DHRSX: variants seen among roughly 807,000 people sequenced by gnomAD.
DHRSX encodes dehydrogenase/reductase X-linked, also known as polyprenol dehydrogenase.
Under a neutral mutation model 34.0 loss-of-function variants are expected in DHRSX, and 31 were observed. The ratio of observed to expected loss-of-function variants is 0.91; its 90% confidence interval spans 0.69 to 1.23. The LOEUF (loss-of-function observed/expected upper bound fraction) is 1.23. DHRSX is among the 50% of genes most tolerant of loss of function. The pLI is 0.00. For missense variants in DHRSX, 414 were observed against 428.1 expected (o/e 0.97, Z 0.29); for synonymous variants, 201 against 183.8 (o/e 1.09, Z -0.76).
intron 3 of DHRSX, among the ~76,000 whole-genome samples, chrX:2,326,392 A>G (rs772583270): frequency 1.3e-5 from 2 of 152,124 alleles, no homozygotes; most frequent in East Asian, 3.9e-4. Context: ...GCGTGGTGGC[A>G]GGCACCTGTA....
chrX:2,346,210 C>T (rs1457286801), intron 3 of DHRSX, among the ~76,000 whole-genome samples: 2 of 150,966 alleles, frequency 1.3e-5, no homozygotes, highest in Non-Finnish European at 2.9e-5. Flanking sequence ...GCATCTCACT[C>T]CATGGCATCT....
chrX:2,426,887 A>G (rs2043857579), intron 1 of DHRSX, among the ~76,000 whole-genome samples: 1 of 150,806 alleles, frequency 6.6e-6, no homozygotes, highest in East Asian at 2.0e-4. Context: ...TCCATCTTCT[A>G]ACCCTTCCCT....
At chrX:2,412,742 A>T (rs952692404) in intron 2 of DHRSX, among the ~76,000 whole-genome samples, 1 of 152,202 alleles carries the variant, frequency 6.6e-6, no homozygotes, top group African/African-American at 2.4e-5. Flanking sequence ...ACCATGGAAT[A>T]CCATTCAGTC....
intron 6 of DHRSX, among the ~76,000 whole-genome samples, chrX:2,224,175 C>T (rs1447655490): frequency 6.6e-6 from 1 of 152,214 alleles, no homozygotes; most frequent in African/African-American, 2.4e-5. Context: ...GCTCATGCCC[C>T]AAATACCCGA....
intron 3 of DHRSX, among the ~76,000 whole-genome samples, chrX:2,294,557 TG>T (rs1272085104): frequency 2.7e-5 from 4 of 150,596 alleles, no homozygotes; most frequent in African/African-American, 9.8e-5. Context: ...CCCAGCTACT[TG>T]GGAGGCTAAG....
chrX:2,386,738 T>G (rs1043540911), intron 3 of DHRSX, among the ~76,000 whole-genome samples: 4 of 152,324 alleles, frequency 2.6e-5, no homozygotes, highest in African/African-American at 9.6e-5. Context: ...GTTTAAATCA[T>G]ATTTTTATTA....
chrX:2,259,096 A>G (rs2041319346), intron 5 of DHRSX, among the ~76,000 whole-genome samples: 1 of 151,944 alleles, frequency 6.6e-6, no homozygotes. Flanking sequence ...AACATGGTGA[A>G]CCCCCGTCTC....
chrX:2,403,463 C>T (rs1407147235), intron 3 of DHRSX, among the ~76,000 whole-genome samples: 1 of 152,094 alleles, frequency 6.6e-6, no homozygotes, highest in Non-Finnish European at 1.5e-5. Flanking sequence ...ATGGTGGGGA[C>T]AAATCATGTA....
intron 1 of DHRSX, chrX:2,487,490 G>C (rs1209111517): frequency 1.3e-5 from 2 of 152,208 alleles, no homozygotes; most frequent in East Asian, 1.9e-4. Flanking sequence ...TCAGCCTCCC[G>C]AGTAGCTGGG....
chrX:2,393,475 C>A (rs1292336848), intron 3 of DHRSX, among the ~76,000 whole-genome samples: 8 of 150,576 alleles, frequency 5.3e-5, no homozygotes, highest in Non-Finnish European at 1.0e-4. Context: ...AGGGACCTCC[C>A]CATCTCCTGC....
intron 3 of DHRSX, among the ~76,000 whole-genome samples, chrX:2,345,851 A>G (rs2042702074): frequency 6.6e-6 from 1 of 152,142 alleles, no homozygotes; most frequent in Admixed American, 6.6e-5. Context: ...CTGGGTCTCC[A>G]GCTGGCTGGT....
At chrX:2,224,604 A>G (rs2015594820) in intron 6 of DHRSX, among the ~76,000 whole-genome samples, 1 of 152,162 alleles carries the variant, frequency 6.6e-6, no homozygotes. Context: ...TCTGTAAGAA[A>G]AACACACGCA....
At chrX:2,232,854 G>C (rs541398749) in intron 6 of DHRSX, among the ~76,000 whole-genome samples, 2 of 152,168 alleles carry the variant, frequency 1.3e-5, no homozygotes, top group South Asian at 4.1e-4. Flanking sequence ...TTACAGGCAT[G>C]AGCCATCGTG....
chrX:2,331,436 G>GTTTTTTTTTTTTTTTTTT lies in DHRSX; in HGVS notation c.287-39851_287-39834dup, dbSNP rs1159991841. On this transcript the variant is annotated intron_variant, in intron 3 of 6. Transcript: ENST00000334651. ...GGAATCCTTTCAGGAAGGTTTTTTG[G>GTTTTTTTTTTTTTTTTTT]TTTTTTTTTTTTTTTTTTTTTTTTT... Among the ~76,000 whole-genome samples the GTTTTTTTTTTTTTTTTTT allele has an allele frequency of 1.2e-4, 11 of 94,664 alleles. 3 individuals carry two copies. Among genetic ancestry groups the GTTTTTTTTTTTTTTTTTT allele is most frequent in the Non-Finnish European group, 2.2e-4 (10 of 46,462 alleles). The allele number at this position is 94,664 out of a possible 152,430, so 62.1% of individuals were successfully genotyped here.
intron 1 of DHRSX, among the ~76,000 whole-genome samples, chrX:2,492,296 T>C (rs148016276): frequency 0.01 from 1,582 of 151,940 alleles, 30 homozygotes; most frequent in African/African-American, 0.034. Context: ...AGAAGACAGA[T>C]GAGGAGACAC....
chrX:2,359,523 CA>C (rs1402386592), intron 3 of DHRSX, among the ~76,000 whole-genome samples: 1 of 151,770 alleles, frequency 6.6e-6, no homozygotes, highest in Non-Finnish European at 1.5e-5. Context: ...ACTAAAAATA[CA>C]AAAAAATTAG....
At chrX:2,319,920 C>A (rs994781423) in intron 3 of DHRSX, among the ~76,000 whole-genome samples, 2 of 152,028 alleles carry the variant, frequency 1.3e-5, no homozygotes, top group Non-Finnish European at 2.9e-5. Context: ...TCTCCACCTC[C>A]CGAATTCAAG....
Position 2,421,715 on chromosome X carries a change from G to T in DHRSX, c.217+3482C>A, listed in dbSNP as rs1008122208. On this transcript the variant is annotated intron_variant, in intron 2 of 6. Transcript: ENST00000334651. ...TTGCCCCAGCAGAAACTGCCATGGA[G>T]ATTTTTGGAGAGAGCTAACTCAAAG... Among the ~76,000 whole-genome samples, 4 of 152,330 alleles carry T rather than the reference G, an allele frequency of 2.6e-5. No individual in the cohort carries two copies. In the South Asian group the frequency reaches 8.3e-4, roughly 32 times the overall value.
At chrX:2,292,376 A>G (rs763898056) in intron 3 of DHRSX, among the ~76,000 whole-genome samples, 3 of 152,248 alleles carry the variant, frequency 2.0e-5, no homozygotes, top group African/African-American at 7.2e-5. Context: ...GCCAGATGAC[A>G]CTTTGGTTAT....
Sources: gnomAD v4.1 joint callset for allele counts (sites outside exome capture counted in the v4.1 genomes callset) on GRCh38, gnomAD v4.1.1 for gene constraint, MANE v1.5 for transcripts, NCBI Gene and HGNC (gene_info 2026-07-23, HGNC 2026-07-21) for gene names.